TNPO1: variants seen among roughly 807,000 people sequenced by gnomAD.
TNPO1 encodes the protein transportin 1, also known as transportin-1.
TNPO1 carries 8 observed loss-of-function variants against 119.5 expected under a neutral mutation model. The observed-to-expected ratio is 0.07, with a 90% CI of 0.04 to 0.12. The LOEUF is 0.12. Among genes scored for constraint, TNPO1 ranks in the 10% least tolerant of loss-of-function variants. TNPO1 has a pLI of 1.00. For synonymous variants in TNPO1, 362 were observed against 363.0 expected (o/e 1.00, Z 0.03); for missense variants, 576 against 1,089.8 (o/e 0.53, Z 6.64).
chr5:72,840,129 G>T (rs548657839), intron 1 of TNPO1, among the ~76,000 whole-genome samples: 1 of 152,230 alleles, frequency 6.6e-6, no homozygotes, highest in South Asian at 2.1e-4. Flanking sequence ...AACGCAGACC[G>T]CTCATAGTCT....
At chr5:72,822,908 CTTTTTTTTTTTT>C (rs56331096) in intron 1 of TNPO1, among the ~76,000 whole-genome samples, 1 of 76,080 alleles carries the variant, frequency 1.3e-5, no homozygotes, top group African/African-American at 5.2e-5. Flanking sequence ...TGGGTCTACA[CTTTTTTTTTTTT>C]TTTTTTTTTT....
chr5:72,875,028 AATTT>A (rs1747660680), intron 7 of TNPO1, among the ~76,000 whole-genome samples: 1 of 152,130 alleles, frequency 6.6e-6, no homozygotes, highest in Non-Finnish European at 1.5e-5. Context: ...AACTTCTATT[AATTT>A]ATTTCCTTAT....
intron 5 of TNPO1, among the ~76,000 whole-genome samples, chr5:72,864,436 C>A (rs191730616): frequency 6.6e-6 from 1 of 152,014 alleles, no homozygotes; most frequent in African/African-American, 2.4e-5. Flanking sequence ...GGGTGGGTAA[C>A]TAGTAGGTTA....
chr5:72,852,243 T>C (rs528375613), intron 3 of TNPO1, among the ~76,000 whole-genome samples: 16 of 152,358 alleles, frequency 1.1e-4, no homozygotes, highest in Middle Eastern at 3.4e-3. Flanking sequence ...CTGAGTAGTC[T>C]GATTTTTAAA....
intron 8 of TNPO1, 111 bp from the exon 9 acceptor site, chr5:72,877,117 A>T (rs1003530162): frequency 2.2e-5 from 10 of 449,040 alleles, no homozygotes; most frequent in Middle Eastern, 6.3e-4. Context: ...AAAAAAAAAA[A>T]TTGCCTAGGT....
At chr5:72,908,137 T>C (rs1433082726) in intron 24 of TNPO1, among the ~76,000 whole-genome samples, 1 of 152,198 alleles carries the variant, frequency 6.6e-6, no homozygotes, top group African/African-American at 2.4e-5. Flanking sequence ...TTACTGAATG[T>C]AGTGACCCTG....
At chr5:72,887,996 TAG>T (rs761155035) in intron 12 of TNPO1, 80 bp from the exon 13 acceptor site, 29 of 1,296,366 alleles carry the variant, frequency 2.2e-5, no homozygotes, top group African/African-American at 3.0e-5. Context: ...AATTTTTTCA[TAG>T]ATACGTGTTT....
chr5:72,818,942 G>C (rs905260512), intron 1 of TNPO1, among the ~76,000 whole-genome samples: 2 of 152,186 alleles, frequency 1.3e-5, no homozygotes, highest in African/African-American at 4.8e-5. Context: ...TTGAGTGTTG[G>C]CAGGTGAAGG....
chr5:72,858,159 A>G (rs1746146456), intron 4 of TNPO1, among the ~76,000 whole-genome samples: 1 of 152,214 alleles, frequency 6.6e-6, no homozygotes, highest in Non-Finnish European at 1.5e-5. Context: ...ACTGCAGTGT[A>G]TTTTCAAATG....
intron 5 of TNPO1, among the ~76,000 whole-genome samples, chr5:72,864,861 G>A (rs879823213): frequency 1.3e-5 from 2 of 151,822 alleles, no homozygotes; most frequent in Non-Finnish European, 2.9e-5. Context: ...CACCCGCGTC[G>A]GCCTCCCAAA....
intron 4 of TNPO1, 144 bp downstream of exon 4, chr5:72,856,067 A>G: frequency 3.5e-6 from 3 of 867,928 alleles, no homozygotes; most frequent in South Asian, 3.0e-5. Flanking sequence ...TGCTTTTGAA[A>G]TGGTGTAATC....
At chr5:72,850,483 A>T (rs1745458077) in intron 2 of TNPO1, among the ~76,000 whole-genome samples, 1 of 152,232 alleles carries the variant, frequency 6.6e-6, no homozygotes, top group Non-Finnish European at 1.5e-5. Flanking sequence ...TTAATCAGAA[A>T]TTTAGATTTG....
intron 11 of TNPO1, among the ~76,000 whole-genome samples, 182 bp from the exon 12 acceptor site, chr5:72,886,888 C>CAAAAAAAAAAAAAAAAAAAAAAAAAAA (rs5868651): frequency 2.8e-5 from 2 of 70,378 alleles, no homozygotes; most frequent in African/African-American, 5.2e-5. Context: ...GACTCCATCT[C>CAAAAAAAAAAAAAAAAAAAAAAAAAAA]AAAAAAAAAA....
At chr5:72,867,392 C>A (rs1746994379) in intron 6 of TNPO1, among the ~76,000 whole-genome samples, 1 of 152,066 alleles carries the variant, frequency 6.6e-6, no homozygotes, top group Non-Finnish European at 1.5e-5. Flanking sequence ...AGCGTTCTCT[C>A]TCAACGTAAC....
At chr5:72,883,749 T>G (rs1240111358) in intron 11 of TNPO1, among the ~76,000 whole-genome samples, 1 of 152,074 alleles carries the variant, frequency 6.6e-6, no homozygotes, top group Non-Finnish European at 1.5e-5. Flanking sequence ...GTTTGTTTGT[T>G]TTTTTGTTTT....
At chr5:72,904,119 G>C (rs1009654705) in intron 23 of TNPO1, among the ~76,000 whole-genome samples, 2 of 152,098 alleles carry the variant, frequency 1.3e-5, no homozygotes, top group South Asian at 4.1e-4. Flanking sequence ...AAATCTAAAT[G>C]GCTGCCACAG....
chr5:72,864,432 G>A (rs1561322422), intron 5 of TNPO1, among the ~76,000 whole-genome samples: 2 of 152,066 alleles, frequency 1.3e-5, no homozygotes, highest in Admixed American at 6.6e-5. Context: ...AGGTGGGTGG[G>A]TAACTAGTAG....
chr5:72,820,214 A>C (rs1743891579), intron 1 of TNPO1, among the ~76,000 whole-genome samples: 1 of 151,990 alleles, frequency 6.6e-6, no homozygotes, highest in South Asian at 2.1e-4. Context: ...ACAGTTTCTA[A>C]TTTTTTTGCA....
chr5:72,855,579 A>G (rs1358152998), intron 3 of TNPO1, among the ~76,000 whole-genome samples, 195 bp from the exon 4 acceptor site: 1 of 152,236 alleles, frequency 6.6e-6, no homozygotes, highest in African/African-American at 2.4e-5. Flanking sequence ...AATAATTGTC[A>G]GTATGTCAAG....
Sources: allele counts gnomAD v4.1 joint callset (sites outside exome capture counted in the v4.1 genomes callset), GRCh38; gene constraint gnomAD v4.1.1; transcripts MANE v1.5; gene names NCBI Gene and HGNC (gene_info 2026-07-23, HGNC 2026-07-21).